Variants in GEMIN4 observed in about 807,000 individuals in gnomAD.
GEMIN4 encodes the protein gem nuclear organelle associated protein 4, also known as gem-associated protein 4.
In GEMIN4, 59 loss-of-function variants were observed where a neutral mutation model predicts 76.8. The observed-to-expected ratio is 0.77, with a 90% CI of 0.62 to 0.95. The LOEUF is 0.95. Ranked by LOEUF, GEMIN4 falls within the 40% of genes least tolerant of loss-of-function variation. GEMIN4 has a pLI of 0.00. For missense variants in GEMIN4, 1,311 were observed against 1,318.9 expected, an observed-to-expected ratio of 0.99 and a Z score of 0.09; for synonymous variants, 562 against 559.7, an observed-to-expected ratio of 1.00 and a Z score of -0.06.
intron 1 of GEMIN4, among the ~76,000 whole-genome samples, chr17:749,542 A>G (rs1321558168): frequency 2.7e-5 from 4 of 150,444 alleles, no homozygotes; most frequent in African/African-American, 9.8e-5. Context: ...CACAGCAGCA[A>G]TCACACAGCC....
In GEMIN4 at chr17:745,462, T is replaced by C; in HGVS notation, c.2581A>G (p.Met861Val). The C allele has an allele frequency of 6.2e-7, 1 of 1,612,314 alleles. No individual in the cohort carries two copies. Among genetic ancestry groups the C allele is most frequent in the Non-Finnish European group, 8.5e-7 (1 of 1,179,832 alleles). ...CACTCCTGAGGGCTGCACCAAGGCA[T>C]GACTTGCACCAGGGCCACCAGAAAG... The part of the protein sequence containing the change: ...KGFLVALVQV[M>V]PWCSPQEWQR... Residue 861 changes from methionine (M) to valine (V), a missense_variant, in exon 2 of 2, where the codon ATG (methionine) becomes GTG (valine). Around this residue, in one of 2 missense-constraint regions of GEMIN4, gnomAD observed 1,208 missense variants for 1,166.9 expected, o/e 1.04. Transcript: ENST00000319004. This position sits in a 1 kb window ranked among gnomAD's most constrained non-coding sequence, Gnocchi z 4.6.
At position 745,225 on chromosome 17, in the gene GEMIN4, C is replaced by T. The variant is rs543784714; in HGVS notation, c.2818G>A (p.Val940Ile). 2.5e-6 allele frequency: 4 copies of T among 1,609,120 alleles called. No individual in the cohort carries two copies. The African/African-American group carries it at 5.3e-5, about 21-fold the overall frequency. Reference sequence around the variant, plus strand: ...GTCAGACTGCCACAGAGGAGTTTGACCACGTGGTTCCAGCCTTCCAGAGGA... The same window carrying T: ...GTCAGACTGCCACAGAGGAGTTTGATCACGTGGTTCCAGCCTTCCAGAGGA... ...WLPLEGWNHV[V>I]KLLCGSLTRL... Residue 940 changes from valine to isoleucine, a missense_variant, in exon 2 of 2, where the codon GTC becomes ATC. Around this residue, in one of 2 missense-constraint regions of GEMIN4, gnomAD observed 1,208 missense variants for 1,166.9 expected, o/e 1.04. Coordinates refer to ENST00000319004, the MANE Select transcript of GEMIN4 (RefSeq NM_015721.3). The surrounding 1 kb of genome is among the most constrained non-coding windows in gnomAD (Gnocchi z 4.6).
In GEMIN4 at chr17:752,119, G is replaced by T; in HGVS notation, c.10+14C>A. 1 of 1,236,350 alleles carries T rather than the reference G, an allele frequency of 8.1e-7. No individual in the cohort carries two copies. Among genetic ancestry groups the T allele is most frequent in the Non-Finnish European group, 1.0e-6 (1 of 989,240 alleles). 76.6% of individuals were successfully genotyped at this position (1,236,350 alleles called of 1,614,324 possible). ...GCTGGACGCAGCCCGGGGCCGGGGA[G>T]CCGCGGCACCCACCTAGGTCCATGG... On this transcript the variant is annotated intron_variant, in intron 1 of 1. Coordinates refer to ENST00000319004, the MANE Select transcript of GEMIN4 (RefSeq NM_015721.3).
rs747053173 is a variant in GEMIN4, at chr17:752,176, C to A, written c.-34G>T. ...CGCCGGCGGCTGCGCGGGGCTAACGCCCCCTCCCCTCCGAGAACTCGAACG... is the reference window on the plus strand; with the variant it reads ...CGCCGGCGGCTGCGCGGGGCTAACGACCCCTCCCCTCCGAGAACTCGAACG... On this transcript the variant is annotated 5_prime_UTR_variant, in exon 1 of 2. Transcript: ENST00000319004. 7 of 1,233,738 alleles carry A rather than the reference C, an allele frequency of 5.7e-6. 1 individual carries two copies. In the South Asian group the frequency reaches 2.9e-4, roughly 50 times the overall value. The allele number at this position is 1,233,738 out of a possible 1,614,324, so 76.4% of individuals were successfully genotyped here.
In GEMIN4 at chr17:746,725, A is replaced by G; in HGVS notation, c.1318T>C (p.Cys440Arg). Residue 440 changes from cysteine to arginine, a missense_variant, in exon 2 of 2, where the codon TGC becomes CGC. Cys to Arg is a radical substitution (Grantham distance 180, BLOSUM62 -3). Around this residue, in one of 2 missense-constraint regions of GEMIN4, gnomAD observed 1,208 missense variants for 1,166.9 expected, o/e 1.04. Transcript: ENST00000319004. The surrounding 1 kb of genome is among the most constrained non-coding windows in gnomAD (Gnocchi z 4.3). Reference protein sequence around the residue: ...KWAFSDEWVACLGSNRALFRQ... With the variant: ...KWAFSDEWVARLGSNRALFRQ... ...AAGAGGGCCCTGTTACTCCCCAGGC[A>G]GGCTACCCACTCGTCCGAGAAGGCC... 6.2e-7 allele frequency: 1 copy of G among 1,613,668 alleles called. No individual in the cohort carries two copies. Among genetic ancestry groups the G allele is most frequent in the East Asian group, 2.2e-5 (1 of 44,866 alleles).
At position 744,816 on chromosome 17, in the gene GEMIN4, G is replaced by C. The variant is rs375603122; in HGVS notation, c.*50C>G. 138 of 1,552,462 alleles carry C rather than the reference G, an allele frequency of 8.9e-5. No homozygotes were observed. Among genetic ancestry groups the C allele is most frequent in the Non-Finnish European group, 1.1e-4 (125 of 1,154,090 alleles). ...TTCGCTCCCGCACAGGTAAGAAGCT[G>C]CTGATCTTCTGCAGACCCGCCATGT... is the stretch of plus-strand genomic sequence containing the variant. On this transcript the variant is annotated 3_prime_UTR_variant, in exon 2 of 2. Transcript: ENST00000319004.
chr17:749,648 C>A (rs1160298543), intron 1 of GEMIN4, among the ~76,000 whole-genome samples: 4 of 149,406 alleles, frequency 2.7e-5, no homozygotes, highest in African/African-American at 7.5e-5. Context: ...AGCAATCACA[C>A]AGCCACAGGG....
In GEMIN4 at chr17:745,179, C is replaced by T. The variant is rs372573642; in HGVS notation, c.2864G>A (p.Arg955Lys). The change falls in exon 2 of 2, where the codon AGG (arginine) becomes AAG (lysine). Residue 955 changes from arginine to lysine, a missense_variant. Around this residue, in one of 2 missense-constraint regions of GEMIN4, gnomAD observed 1,208 missense variants for 1,166.9 expected, o/e 1.04. Coordinates refer to ENST00000319004, the MANE Select transcript of GEMIN4 (RefSeq NM_015721.3). The surrounding 1 kb of genome is among the most constrained non-coding windows in gnomAD (Gnocchi z 4.6). ...CCAAGGGCCAGCTGCCTGTATCGCC[C>T]TGACTGAGTCCAGGAGGCGGGTCAG... ...GSLTRLLDSV[R>K]AIQAAGPWVQ... 58 of 1,606,432 alleles carry T rather than the reference C, an allele frequency of 3.6e-5. No individual in the cohort carries two copies. In the African/African-American group the frequency reaches 5.6e-4, roughly 16 times the overall value.
At chr17:752,027 C>G (rs548485792) in intron 1 of GEMIN4, 106 bp downstream of exon 1, 171 of 821,022 alleles carry the variant, frequency 2.1e-4, no homozygotes, top group Non-Finnish European at 2.7e-4. Context: ...ACGTTTCGGT[C>G]CGGGCCCGCG....
upstream of GEMIN4, chr17:752,384 C>G: frequency 3.3e-6 from 3 of 897,088 alleles, no homozygotes; most frequent in Non-Finnish European, 2.9e-6. Flanking sequence ...CCTCAGGTAC[C>G]CGGACGTCGC....
chr17:745,505 G>A lies in GEMIN4; in HGVS notation c.2538C>T (p.Val846=). 17 of 1,612,068 alleles carry A rather than the reference G, an allele frequency of 1.1e-5. No individual in the cohort carries two copies. The highest frequency in any genetic ancestry group is 1.4e-5 in the Non-Finnish European group (17 of 1,179,840). The change falls in exon 2 of 2, where the codon GTC becomes GTT. Residue 846 remains valine (V), a synonymous_variant. Coordinates refer to ENST00000319004, the MANE Select transcript of GEMIN4 (RefSeq NM_015721.3). The surrounding 1 kb of genome is among the most constrained non-coding windows in gnomAD (Gnocchi z 4.6). The part of the protein sequence containing the change: ...LVVDVGNPEE[V]RLFSKGFLVA... The stretch of plus-strand genomic sequence containing the variant: ...CCAGAAAGCCTTTGCTGAACAGTCT[G>A]ACCTCCTCAGGATTGCCCACGTCCA...
In GEMIN4 at chr17:745,323, T is replaced by G. The variant is rs1049729725; in HGVS notation, c.2720A>C (p.Gln907Pro). The G allele has an allele frequency of 6.2e-7, 1 of 1,612,886 alleles. No individual in the cohort carries two copies. Among genetic ancestry groups the G allele is most frequent in the Non-Finnish European group, 8.5e-7 (1 of 1,179,798 alleles). ...VPLLNLKPFAQELQLSVLFLR... is the reference protein window; with the variant it reads ...VPLLNLKPFAPELQLSVLFLR... ...GAAGAGGACGGAGAGTTGCAACTCC[T>G]GGGCAAAGGGCTTCAGGTTGAGCAG... Residue 907 changes from glutamine (Q) to proline (P), a missense_variant, in exon 2 of 2, where the codon CAG (glutamine) becomes CCG (proline). By Grantham distance (76) the Gln-to-Pro change is moderately conservative. Around this residue, in one of 2 missense-constraint regions of GEMIN4, gnomAD observed 1,208 missense variants for 1,166.9 expected, o/e 1.04. Transcript: ENST00000319004. This position sits in a 1 kb window ranked among gnomAD's most constrained non-coding sequence, Gnocchi z 4.6.
upstream of GEMIN4, chr17:752,579 G>A (rs968613906): frequency 1.4e-5 from 12 of 832,436 alleles, no homozygotes; most frequent in South Asian, 5.6e-5. Context: ...CGCACCACGC[G>A]AGGCTTCCAC....
chr17:750,733 G>A (rs942534597), intron 1 of GEMIN4, among the ~76,000 whole-genome samples: 21 of 152,144 alleles, frequency 1.4e-4, no homozygotes, highest in African/African-American at 4.8e-4. Flanking sequence ...GACTCCAGGA[G>A]ACTAAGGACC....
chr17:748,218 T>G (rs1904382505), intron 1 of GEMIN4, 186 bp from the exon 2 acceptor site: 2 of 582,038 alleles, frequency 3.4e-6, no homozygotes. Flanking sequence ...GAATCCAGAA[T>G]GGCTTCCGAG....
rs766132255 is a variant in GEMIN4, at chr17:745,228, C to T, written c.2815G>A (p.Val939Met). 6.2e-6 allele frequency: 10 copies of T among 1,609,340 alleles called. No individual in the cohort carries two copies. The highest frequency in any genetic ancestry group is 3.3e-5 in the South Asian group (3 of 90,434). Residue 939 changes from valine (V) to methionine (M), a missense_variant, in exon 2 of 2, where the codon GTG becomes ATG. Physicochemically the swap from Val to Met is conservative, Grantham distance 21 (BLOSUM62 1). This residue lies in a region of GEMIN4 where 1,208 missense variants were observed against 1,166.9 expected (regional missense o/e 1.04). Coordinates refer to ENST00000319004, the MANE Select transcript of GEMIN4 (RefSeq NM_015721.3). This position sits in a 1 kb window ranked among gnomAD's most constrained non-coding sequence, Gnocchi z 4.6. ...AGACTGCCACAGAGGAGTTTGACCA[C>T]GTGGTTCCAGCCTTCCAGAGGAAGC... ...DWLPLEGWNH[V>M]VKLLCGSLTR...
At chr17:749,005 G>T (rs1904472357) in intron 1 of GEMIN4, 1 of 92,498 alleles carries the variant, frequency 1.1e-5, no homozygotes, top group African/African-American at 5.5e-5. Flanking sequence ...GGGCACAGCA[G>T]CAATCACACG....
At chr17:751,879 G>A (rs1216287609) in intron 1 of GEMIN4, 1 of 378,164 alleles carries the variant, frequency 2.6e-6, no homozygotes, top group Non-Finnish European at 4.7e-6. Context: ...GCTTCCAAGG[G>A]CTCTAACTTC....
At chr17:748,153 G>A (rs1904377172) in intron 1 of GEMIN4, 121 bp from the exon 2 acceptor site, 1 of 754,178 alleles carries the variant, frequency 1.3e-6, no homozygotes, top group Non-Finnish European at 2.1e-6. Flanking sequence ...CGGACGGGGA[G>A]AAGGGATGAC....
Sources: gnomAD v4.1 joint callset for allele counts (sites outside exome capture counted in the v4.1 genomes callset) on GRCh38, gnomAD v4.1.1 for gene constraint, gnomAD v4.1.1 regional missense constraint, Gnocchi (gnomAD v3.1) non-coding constraint, MANE v1.5 for transcripts, NCBI Gene and HGNC (gene_info 2026-07-23, HGNC 2026-07-21) for gene names.